The following CNTLN variants were observed in gnomAD, a reference collection of about 807,000 sequenced individuals.
CNTLN encodes centlein, also known as centlein, centrosomal protein.
Under a neutral mutation model 180.0 loss-of-function variants are expected in CNTLN, and 212 were observed. That is an observed-to-expected ratio of 1.18 (90% CI 1.05 to 1.32). The LOEUF (loss-of-function observed/expected upper bound fraction) is 1.32, where lower values mean the gene tolerates loss of function less well. Among genes scored for constraint, CNTLN ranks in the 40% most tolerant of loss-of-function variants. The pLI is 0.00. For missense variants in CNTLN, 2,095 were observed against 1,610.9 expected, an observed-to-expected ratio of 1.30 and a Z score of -5.14; for synonymous variants, 722 against 563.1, an observed-to-expected ratio of 1.28 and a Z score of -3.99.
chr9:17,291,855 C>G (rs149894166), intron 6 of CNTLN, among the ~76,000 whole-genome samples: 6 of 152,172 alleles, frequency 3.9e-5, no homozygotes, highest in Non-Finnish European at 8.8e-5. Context: ...ATGATGGTAG[C>G]TGGTTATCAG....
intron 2 of CNTLN, among the ~76,000 whole-genome samples, chr9:17,193,084 A>G (rs1457831858): frequency 6.6e-6 from 1 of 152,122 alleles, no homozygotes; most frequent in Non-Finnish European, 1.5e-5. Context: ...TATGGGGGAA[A>G]CTGCCCCCAT....
At chr9:17,196,663 A>C (rs1822153190) in intron 2 of CNTLN, among the ~76,000 whole-genome samples, 1 of 150,756 alleles carries the variant, frequency 6.6e-6, no homozygotes, top group African/African-American at 2.4e-5. Flanking sequence ...AATATTTTTA[A>C]TGTTTATATA....
chr9:17,166,261 CAAAAT>C (rs1488346026), intron 2 of CNTLN, among the ~76,000 whole-genome samples: 1 of 151,800 alleles, frequency 6.6e-6, no homozygotes, highest in Non-Finnish European at 1.5e-5. Flanking sequence ...AAATGATTGT[CAAAAT>C]AAAAAATTAA....
intron 13 of CNTLN, among the ~76,000 whole-genome samples, chr9:17,380,767 A>G (rs1398203522): frequency 2.0e-5 from 3 of 152,186 alleles, no homozygotes; most frequent in African/African-American, 7.2e-5. Flanking sequence ...AAACAAGCAG[A>G]TGGGGAAACT....
chr9:17,153,620 T>A (rs1819053417), intron 2 of CNTLN, among the ~76,000 whole-genome samples: 1 of 152,300 alleles, frequency 6.6e-6, no homozygotes, highest in African/African-American at 2.4e-5. Flanking sequence ...GTGAATCTGA[T>A]GATTATGTGT....
intron 2 of CNTLN, among the ~76,000 whole-genome samples, chr9:17,187,229 T>C (rs1433348253): frequency 6.6e-6 from 1 of 152,130 alleles, no homozygotes; most frequent in African/African-American, 2.4e-5. Flanking sequence ...AAGACAAATA[T>C]CTGCTTTATC....
intron 2 of CNTLN, among the ~76,000 whole-genome samples, chr9:17,219,044 G>A (rs895777216): frequency 4.6e-5 from 7 of 152,126 alleles, no homozygotes; most frequent in Admixed American, 1.3e-4. Flanking sequence ...GTTTAAATGG[G>A]AAGTACTCTT....
At chr9:17,388,319 T>C in intron 14 of CNTLN, 66 bp downstream of exon 14, 1 of 1,059,626 alleles carries the variant, frequency 9.4e-7, no homozygotes, top group Non-Finnish European at 1.4e-6. Flanking sequence ...AAGGATTATA[T>C]TTTAAAACGA....
At chr9:17,164,860 G>A (rs1819956898) in intron 2 of CNTLN, among the ~76,000 whole-genome samples, 1 of 137,612 alleles carries the variant, frequency 7.3e-6, no homozygotes, top group Non-Finnish European at 1.5e-5. Flanking sequence ...TTTTGAGACA[G>A]AGTCTCACTC....
intron 1 of CNTLN, among the ~76,000 whole-genome samples, chr9:17,142,541 C>T (rs866182841): frequency 9.9e-5 from 15 of 151,892 alleles, no homozygotes; most frequent in African/African-American, 3.6e-4. Flanking sequence ...TAAGTCTGGA[C>T]CTAAGAGTAG....
chr9:17,226,811 G>A (rs887882446), intron 3 of CNTLN, among the ~76,000 whole-genome samples: 3 of 151,894 alleles, frequency 2.0e-5, no homozygotes, highest in African/African-American at 4.8e-5. Context: ...CTGCTTCTGG[G>A]AAGGCCTCAT....
At position 17,274,461 on chromosome 9, in the gene CNTLN, C is replaced by CTATCTGTCTATG. The variant is rs1398044229; in HGVS notation, c.983+600_983+601insGTCTATGTATCT. Among the ~76,000 whole-genome samples the CTATCTGTCTATG allele has an allele frequency of 1.3e-3, 160 of 124,324 alleles. 1 individual carries two copies. The East Asian group carries it at 0.017, about 13-fold the overall frequency. 81.6% of individuals were successfully genotyped at this position (124,324 alleles called of 152,430 possible). On this transcript the variant is annotated intron_variant, in intron 6 of 25. Coordinates refer to ENST00000380647, the MANE Select transcript of CNTLN (RefSeq NM_017738.4). The stretch of plus-strand genomic sequence containing the variant: ...CCTTGGTTCATAGATCAATATCTAT[C>CTATCTGTCTATG]TATCTATCTATCTATCTATCTATCT...
chr9:17,336,564 A>C (rs1188309405), intron 10 of CNTLN, among the ~76,000 whole-genome samples: 2 of 152,218 alleles, frequency 1.3e-5, no homozygotes, highest in Non-Finnish European at 2.9e-5. Flanking sequence ...TGTCTATCAA[A>C]TGATTTGCAA....
intron 18 of CNTLN, among the ~76,000 whole-genome samples, chr9:17,423,568 A>T (rs539564293): frequency 2.6e-5 from 4 of 152,194 alleles, no homozygotes; most frequent in African/African-American, 7.2e-5. Flanking sequence ...TCAGTGGGTT[A>T]TGTGCACTTC....
At chr9:17,154,060 C>A (rs918259293) in intron 2 of CNTLN, among the ~76,000 whole-genome samples, 1 of 152,040 alleles carries the variant, frequency 6.6e-6, no homozygotes, top group Non-Finnish European at 1.5e-5. Context: ...TTGACTGACT[C>A]TTTTTCAAGG....
Position 17,135,370 on chromosome 9 carries a change from C to G in CNTLN, c.305C>G (p.Thr102Arg). 6.2e-7 allele frequency: 1 copy of G among 1,600,020 alleles called. No homozygotes were observed. The highest frequency in any genetic ancestry group is 8.5e-7 in the Non-Finnish European group (1 of 1,174,264). The part of the protein sequence containing the change: ...ISVEEAMVTR[T>R]QLLEEELSSL... ...GTAGAGGAGGCGATGGTGACCCGGACGCAGCTGCTGGAGGAAGAGCTGAGC... is the reference window on the plus strand; with the variant it reads ...GTAGAGGAGGCGATGGTGACCCGGAGGCAGCTGCTGGAGGAAGAGCTGAGC... Residue 102 changes from threonine to arginine, a missense_variant, in exon 1 of 26, where the codon ACG becomes AGG. Thr to Arg is a moderately conservative substitution (Grantham distance 71). Coordinates refer to ENST00000380647, the MANE Select transcript of CNTLN (RefSeq NM_017738.4).
intron 3 of CNTLN, among the ~76,000 whole-genome samples, chr9:17,232,414 C>T (rs185013467): frequency 6.6e-6 from 1 of 151,914 alleles, no homozygotes; most frequent in Admixed American, 6.6e-5. Context: ...CACTCAAATG[C>T]CAAAATCTAA....
chr9:17,226,891 G>C (rs10465046), intron 3 of CNTLN, among the ~76,000 whole-genome samples: 28,043 of 151,724 alleles, frequency 0.18, 2,995 homozygotes, highest in South Asian at 0.29. Flanking sequence ...AGGGCATGGT[G>C]AGGGAGGTGC....
intron 2 of CNTLN, among the ~76,000 whole-genome samples, chr9:17,152,939 G>A (rs1310563757): frequency 6.6e-6 from 1 of 152,088 alleles, no homozygotes; most frequent in Non-Finnish European, 1.5e-5. Flanking sequence ...TTTGATCTTT[G>A]TTGGTTTAAG....
Sources: allele counts gnomAD v4.1 joint callset (sites outside exome capture counted in the v4.1 genomes callset), GRCh38; gene constraint gnomAD v4.1.1; transcripts MANE v1.5; gene names NCBI Gene and HGNC (gene_info 2026-07-23, HGNC 2026-07-21).